The following FBXW8 variants were observed in gnomAD, a reference collection of about 807,000 sequenced individuals.
FBXW8 encodes F-box/WD repeat-containing protein 8.
Under a neutral mutation model 65.3 loss-of-function variants are expected in FBXW8, and 57 were observed. The observed-to-expected ratio is 0.87, with a 90% CI of 0.71 to 1.09. FBXW8 has a LOEUF of 1.09. FBXW8 is among the 50% of genes least tolerant of loss of function. The probability of loss-of-function intolerance (pLI) is 0.00; values close to 1 mark genes in which losing one functional copy is unlikely to be tolerated. For synonymous variants in FBXW8, 308 were observed against 330.2 expected, an observed-to-expected ratio of 0.93 and a Z score of 0.73; for missense variants, 777 against 814.8, an observed-to-expected ratio of 0.95 and a Z score of 0.57.
intron 8 of FBXW8, among the ~76,000 whole-genome samples, chr12:117,012,236 T>G (rs4094199): frequency 6.6e-6 from 1 of 152,070 alleles, no homozygotes; most frequent in Non-Finnish European, 1.5e-5. Flanking sequence ...CTGGTCAGTT[T>G]GCAGTCCAAA....
At chr12:116,978,319 A>G (rs556312819) in intron 5 of FBXW8, 14 of 152,280 alleles carry the variant, frequency 9.2e-5, no homozygotes, top group African/African-American at 3.1e-4. Flanking sequence ...ACTTTATGCT[A>G]GTTTTATGTC....
intron 5 of FBXW8, among the ~76,000 whole-genome samples, chr12:116,974,845 A>G (rs1884826722): frequency 6.6e-6 from 1 of 152,252 alleles, no homozygotes; most frequent in Admixed American, 6.5e-5. Flanking sequence ...GGGCTAGGGC[A>G]GATAAATACA....
intron 1 of FBXW8, among the ~76,000 whole-genome samples, chr12:116,925,593 T>G (rs1261071881): frequency 3.9e-5 from 6 of 152,204 alleles, no homozygotes; most frequent in Non-Finnish European, 7.3e-5. Context: ...CATGAAAGTC[T>G]GGGACTTGAT....
At chr12:117,020,861 C>T (rs886839280) in intron 8 of FBXW8, among the ~76,000 whole-genome samples, 3 of 152,196 alleles carry the variant, frequency 2.0e-5, no homozygotes, top group Non-Finnish European at 2.9e-5. Context: ...AGGATTTTAT[C>T]CAGCATTTTT....
intron 8 of FBXW8, among the ~76,000 whole-genome samples, chr12:117,019,824 T>G (rs183437133): frequency 1.0e-3 from 152 of 152,328 alleles, no homozygotes; most frequent in African/African-American, 3.2e-3. Flanking sequence ...TTTATTGCCC[T>G]CTTTCTTCTC....
intron 5 of FBXW8, among the ~76,000 whole-genome samples, chr12:116,967,230 C>T (rs1884383739): frequency 6.6e-6 from 1 of 151,120 alleles, no homozygotes; most frequent in Admixed American, 6.6e-5. Flanking sequence ...CAGGGTAAAC[C>T]TTATTCTTTT....
chr12:116,966,546 C>T (rs1320923505), intron 5 of FBXW8, among the ~76,000 whole-genome samples: 1 of 152,048 alleles, frequency 6.6e-6, no homozygotes, highest in Non-Finnish European at 1.5e-5. Flanking sequence ...TAGAAATGTG[C>T]GCCCAATTGA....
intron 1 of FBXW8, among the ~76,000 whole-genome samples, chr12:116,915,577 C>T (rs936337913): frequency 6.6e-6 from 1 of 151,328 alleles, no homozygotes; most frequent in African/African-American, 2.4e-5. Context: ...GACTTCTCTT[C>T]CACCCAGGGG....
chr12:116,971,492 C>T (rs945228365), intron 5 of FBXW8, among the ~76,000 whole-genome samples: 1 of 152,086 alleles, frequency 6.6e-6, no homozygotes, highest in African/African-American at 2.4e-5. Context: ...AGACAGGCCA[C>T]AGAGACTGTA....
chr12:116,915,095 C>T (rs1196918356), intron 1 of FBXW8, among the ~76,000 whole-genome samples: 1 of 152,216 alleles, frequency 6.6e-6, no homozygotes, highest in Non-Finnish European at 1.5e-5. Flanking sequence ...AATAAACCTA[C>T]TCCTTCTCTC....
intron 8 of FBXW8, among the ~76,000 whole-genome samples, chr12:117,022,289 G>A (rs924603147): frequency 4.0e-5 from 6 of 151,772 alleles, no homozygotes; most frequent in African/African-American, 1.5e-4. Flanking sequence ...TTTCAGATTT[G>A]GAGATTTTAA....
chr12:116,998,980 TATTA>T (rs1486369518), intron 7 of FBXW8, among the ~76,000 whole-genome samples: 1 of 152,252 alleles, frequency 6.6e-6, no homozygotes, highest in Non-Finnish European at 1.5e-5. Flanking sequence ...GACTATGATT[TATTA>T]ATTTCCTCCG....
rs201979707 is a variant in FBXW8, at chr12:116,964,651, T to C, written c.678-46T>C. The C allele has an allele frequency of 2.2e-4, 352 of 1,609,854 alleles. 1 individual carries two copies. Among genetic ancestry groups the C allele is most frequent in the Admixed American group, 4.3e-4 (26 of 59,938 alleles). On this transcript the variant is annotated intron_variant, in intron 4 of 10. Coordinates refer to ENST00000652555, the MANE Select transcript of FBXW8 (RefSeq NM_153348.3). ...CTGTGCATTTTCCCCACCATAGCCC[T>C]GCTCTTCAATCTCCTTTTGGAACCA...
chr12:117,025,460 G>A (rs918993049), intron 9 of FBXW8, among the ~76,000 whole-genome samples: 3 of 152,224 alleles, frequency 2.0e-5, no homozygotes, highest in Admixed American at 2.0e-4. Context: ...AAGGTAAACC[G>A]ACCTCTGAGA....
At chr12:116,962,099 A>T (rs547098485) in intron 4 of FBXW8, among the ~76,000 whole-genome samples, 28 of 152,244 alleles carry the variant, frequency 1.8e-4, no homozygotes, top group African/African-American at 6.5e-4. Context: ...TCCCATTGAT[A>T]AAAATAAGGA....
At chr12:116,948,028 T>C (rs1883046191) in intron 3 of FBXW8, among the ~76,000 whole-genome samples, 1 of 152,164 alleles carries the variant, frequency 6.6e-6, no homozygotes, top group Non-Finnish European at 1.5e-5. Context: ...GGCAGGCGAT[T>C]TGGTTTGGTA....
intron 9 of FBXW8, among the ~76,000 whole-genome samples, 174 bp from the exon 10 acceptor site, chr12:117,027,220 G>C (rs770383283): frequency 2.0e-5 from 3 of 152,228 alleles, no homozygotes; most frequent in Non-Finnish European, 4.4e-5. Context: ...GCTCACCTGA[G>C]CTTCGGGAAC....
rs112052867 is a variant in FBXW8, at chr12:116,968,644, A to G, written c.835+3790A>G. Reference sequence around the variant, plus strand: ...TTTTCTGGGTTACAGGGTAAATGCAAGTGGGGTTTTACTATTTTATGCTCT... The same window carrying G: ...TTTTCTGGGTTACAGGGTAAATGCAGGTGGGGTTTTACTATTTTATGCTCT... On this transcript the variant is annotated intron_variant, in intron 5 of 10. Coordinates refer to ENST00000652555, the MANE Select transcript of FBXW8 (RefSeq NM_153348.3). 2.4e-3 allele frequency among the ~76,000 whole-genome samples: 373 copies of G among 152,324 alleles called. 3 individuals are homozygous for G. Among genetic ancestry groups the G allele is most frequent in the African/African-American group, 8.7e-3 (360 of 41,554 alleles).
At chr12:116,913,406 C>T (rs749546892) in intron 1 of FBXW8, among the ~76,000 whole-genome samples, 3 of 152,166 alleles carry the variant, frequency 2.0e-5, no homozygotes, top group Admixed American at 6.5e-5. Context: ...AACTTAACTA[C>T]GAATAGCCTA....
Sources: gnomAD v4.1 joint callset for allele counts (sites outside exome capture counted in the v4.1 genomes callset) on GRCh38, gnomAD v4.1.1 for gene constraint, MANE v1.5 for transcripts, NCBI Gene and HGNC (gene_info 2026-07-23, HGNC 2026-07-21) for gene names.